Variants in LMO4 observed in about 807,000 individuals in gnomAD.
LMO4 encodes the protein LIM domain only 4, also known as LIM domain transcription factor LMO4.
A neutral mutation model predicts 18.5 loss-of-function variants in LMO4; 3 were observed. The observed-to-expected ratio is 0.16, with a 90% CI of 0.07 to 0.42. The LOEUF is 0.42. LMO4 is among the 10% of genes least tolerant of loss of function. The probability of loss-of-function intolerance (pLI) is 0.99; values close to 1 mark genes in which losing one functional copy is unlikely to be tolerated. For synonymous variants in LMO4, 100 were observed against 88.1 expected (o/e 1.14, Z -0.76); for missense variants, 121 against 219.9 (o/e 0.55, Z 2.84).
intron 2 of LMO4, among the ~76,000 whole-genome samples, chr1:87,337,967 C>T (rs921486243): frequency 2.6e-5 from 4 of 152,130 alleles, no homozygotes; most frequent in African/African-American, 4.8e-5. Context: ...GTCAATGTGT[C>T]GTGGATCTCA....
chr1:87,344,965 T>A lies in LMO4; in HGVS notation c.*169T>A. On this transcript the variant is annotated 3_prime_UTR_variant, in exon 5 of 5. Coordinates refer to ENST00000370544, the MANE Select transcript of LMO4 (RefSeq NM_006769.4). Reference sequence around the variant, plus strand: ...GCCCTTCCCGCATTTATTGGTGTATTAAAATGACTGAATATGAACATTAAG... The same window carrying A: ...GCCCTTCCCGCATTTATTGGTGTATAAAAATGACTGAATATGAACATTAAG... 1.7e-6 allele frequency: 1 copy of A among 588,878 alleles called. No homozygotes were observed. The highest frequency in any genetic ancestry group is 3.0e-6 in the Non-Finnish European group (1 of 332,972). The allele number at this position is 588,878 out of a possible 1,614,324, so 36.5% of individuals were successfully genotyped here.
intron 2 of LMO4, among the ~76,000 whole-genome samples, chr1:87,335,228 T>G (rs1037832772): frequency 6.6e-6 from 1 of 152,172 alleles, no homozygotes; most frequent in Non-Finnish European, 1.5e-5. Context: ...TCGAACCGTC[T>G]TTCCTCCACC....
rs1032837885 is a variant in LMO4, at chr1:87,348,055, GA to G, written c.*3261del. The G allele has an allele frequency of 2.5e-4, 38 of 152,208 alleles. No individual in the cohort carries two copies. Among genetic ancestry groups the G allele is most frequent in the African/African-American group, 8.4e-4 (35 of 41,518 alleles). 9.4% of individuals were successfully genotyped at this position (152,208 alleles called of 1,614,324 possible). A position where few individuals can be genotyped will look rare whatever the true frequency, so the allele number is the denominator to read the frequency against. ...TTTGAAACAACTAATCATCTAAAAGGAAGCTCTTAAAGGGCTTTAAATGTCA... is the reference window on the plus strand; with the variant it reads ...TTTGAAACAACTAATCATCTAAAAGGAGCTCTTAAAGGGCTTTAAATGTCA... On this transcript the variant is annotated 3_prime_UTR_variant, in exon 5 of 5. Transcript: ENST00000370544.
intron 1 of LMO4, 53 bp from the exon 2 acceptor site, chr1:87,331,960 T>G (rs1650167371): frequency 5.6e-6 from 8 of 1,420,562 alleles, no homozygotes; most frequent in Non-Finnish European, 4.9e-6. Flanking sequence ...TACTAACTTT[T>G]GCATCGCCCC....
At chr1:87,343,752 AC>A (rs1371290858) in intron 4 of LMO4, among the ~76,000 whole-genome samples, 1 of 152,134 alleles carries the variant, frequency 6.6e-6, no homozygotes, top group Non-Finnish European at 1.5e-5. Flanking sequence ...TACCTTTCTC[AC>A]ACTGAGCTTC....
intron 1 of LMO4, among the ~76,000 whole-genome samples, chr1:87,330,753 T>G (rs1650115731): frequency 6.6e-6 from 1 of 152,172 alleles, no homozygotes; most frequent in Non-Finnish European, 1.5e-5. Context: ...GCCCACACTC[T>G]CAGCTTACAG....
Position 87,339,698 on chromosome 1 carries a change from A to G in LMO4, c.333+66A>G. 7.1e-6 allele frequency: 7 copies of G among 983,988 alleles called. No individual in the cohort carries two copies. In the South Asian group the frequency reaches 9.7e-5, roughly 14 times the overall value. 61.0% of individuals were successfully genotyped at this position (983,988 alleles called of 1,614,324 possible). ...ATACCTTTCCTACCTACATGGGGGC[A>G]AAGCATTTCTCCTTGGTATGAACTG... On this transcript the variant is annotated intron_variant, in intron 3 of 4. Coordinates refer to ENST00000370544, the MANE Select transcript of LMO4 (RefSeq NM_006769.4).
chr1:87,331,870 C>T (rs1476865367), intron 1 of LMO4, 143 bp from the exon 2 acceptor site: 1 of 652,424 alleles, frequency 1.5e-6, no homozygotes, highest in Non-Finnish European at 2.6e-6. Flanking sequence ...CCCTCAGCCT[C>T]CTTCCCGCCC....
At chr1:87,331,916 A>G (rs1650165587) in intron 1 of LMO4, 97 bp from the exon 2 acceptor site, 1 of 967,226 alleles carries the variant, frequency 1.0e-6, no homozygotes, top group Admixed American at 1.9e-5. Context: ...CTCCGCGGGG[A>G]GGAGGGGAAT....
Position 87,346,639 on chromosome 1 carries a change from CAG to C in LMO4, c.*1847_*1848del, listed in dbSNP as rs1570271494. On this transcript the variant is annotated 3_prime_UTR_variant, in exon 5 of 5. Transcript: ENST00000370544. ...AACTTCTGTGCTCACTTCCTGTTTT[CAG>C]AGATTCCAGGGCAGGGGAAAAAAAA... 2.0e-5 allele frequency: 3 copies of C among 151,938 alleles called. No individual in the cohort carries two copies. In the East Asian group the frequency reaches 5.8e-4, roughly 29 times the overall value. The allele number at this position is 151,938 out of a possible 1,614,324, so 9.4% of individuals were successfully genotyped here.
chr1:87,344,610 G>A (rs1313800386), intron 4 of LMO4, among the ~76,000 whole-genome samples, 178 bp from the exon 5 acceptor site: 1 of 152,162 alleles, frequency 6.6e-6, no homozygotes, highest in Non-Finnish European at 1.5e-5. Flanking sequence ...AAAATGTTAT[G>A]CTTTAGTTCT....
At chr1:87,334,778 T>A (rs570608711) in intron 2 of LMO4, among the ~76,000 whole-genome samples, 2 of 152,276 alleles carry the variant, frequency 1.3e-5, no homozygotes, top group South Asian at 2.1e-4. Flanking sequence ...CAAGTGTCGA[T>A]GGGCAGAGCT....
chr1:87,335,606 T>C (rs1428688851), intron 2 of LMO4, among the ~76,000 whole-genome samples: 2 of 151,714 alleles, frequency 1.3e-5, no homozygotes, highest in Non-Finnish European at 2.9e-5. Context: ...GGAGAATTGG[T>C]AGTTGGTGGT....
intron 2 of LMO4, among the ~76,000 whole-genome samples, chr1:87,335,046 G>A (rs1463109799): frequency 1.3e-5 from 2 of 149,008 alleles, no homozygotes; most frequent in Admixed American, 6.7e-5. Context: ...AAGGGGGGGG[G>A]GTTGTAGAGC....
intron 1 of LMO4, chr1:87,331,728 T>C: frequency 2.2e-6 from 1 of 450,576 alleles, no homozygotes; most frequent in Non-Finnish European, 3.9e-6. Flanking sequence ...CTCGGAGTTT[T>C]GACAGTACCG....
At chr1:87,339,739 G>GAC in intron 3 of LMO4, 107 bp downstream of exon 3, 1 of 745,744 alleles carries the variant, frequency 1.3e-6, no homozygotes, top group Non-Finnish European at 2.3e-6. Context: ...TCAAGCTGCA[G>GAC]ACACTTGAAG....
intron 4 of LMO4, among the ~76,000 whole-genome samples, chr1:87,340,973 C>T (rs1231785603): frequency 1.3e-5 from 2 of 152,144 alleles, no homozygotes; most frequent in African/African-American, 2.4e-5. Flanking sequence ...TTGTCCAGCA[C>T]CCCCAGTACT....
At chr1:87,344,688 A>G (rs1557617295) in intron 4 of LMO4, 100 bp from the exon 5 acceptor site, 1 of 1,157,780 alleles carries the variant, frequency 8.6e-7, no homozygotes, top group Non-Finnish European at 1.3e-6. Flanking sequence ...CTAATAAAAG[A>G]AGATTAGTGA....
intron 4 of LMO4, among the ~76,000 whole-genome samples, chr1:87,341,303 T>C (rs1650466989): frequency 6.6e-6 from 1 of 152,220 alleles, no homozygotes; most frequent in Non-Finnish European, 1.5e-5. Context: ...CCATCAGCTC[T>C]GATAGTATGT....
Sources: gnomAD v4.1 joint callset for allele counts (sites outside exome capture counted in the v4.1 genomes callset) on GRCh38, gnomAD v4.1.1 for gene constraint, MANE v1.5 for transcripts, NCBI Gene and HGNC (gene_info 2026-07-23, HGNC 2026-07-21) for gene names.